Variants in NRXN3 observed in about 807,000 individuals in gnomAD.
NRXN3 encodes neurexin 3.
NRXN3 carries 32 observed loss-of-function variants against 137.6 expected under a neutral mutation model. That is an observed-to-expected ratio of 0.23 (90% CI 0.18 to 0.31). NRXN3 has a LOEUF of 0.31. NRXN3 is among the 10% of genes least tolerant of loss of function. NRXN3 has a pLI of 1.00. For synonymous variants in NRXN3, 798 were observed against 784.5 expected (o/e 1.02, Z -0.29); for missense variants, 1,574 against 2,062.5 (o/e 0.76, Z 4.59).
rs1004324005 is a variant in NRXN3 at position 78,505,036 on chromosome 14, A to T, written c.758-140084A>T. 2.6e-5 allele frequency among the ~76,000 whole-genome samples: 4 copies of T among 152,096 alleles called. No individual in the cohort carries two copies. The East Asian group carries it at 7.7e-4, about 29-fold the overall frequency. ...ATTTAGAGCCTTAACAAGCATTAAG[A>T]CCATTCCATTACAAACAGGACCATA... On this transcript the variant is annotated intron_variant, in intron 4 of 20. Coordinates refer to ENST00000335750, the MANE Select transcript of NRXN3 (RefSeq NM_001330195.2).
intron 7 of NRXN3, among the ~76,000 whole-genome samples, chr14:78,711,798 G>A (rs1319889387): frequency 1.3e-5 from 2 of 152,058 alleles, no homozygotes; most frequent in African/African-American, 4.8e-5. Context: ...AACTTACTGA[G>A]TAAACAAACA....
intron 15 of NRXN3, among the ~76,000 whole-genome samples, chr14:79,261,950 C>T (rs549563612): frequency 6.6e-6 from 1 of 152,110 alleles, no homozygotes; most frequent in East Asian, 1.9e-4. Flanking sequence ...GTATGACTCT[C>T]AGATGCTAAT....
chr14:78,338,204 C>A (rs1009555797), intron 4 of NRXN3, among the ~76,000 whole-genome samples: 1 of 152,148 alleles, frequency 6.6e-6, no homozygotes, highest in South Asian at 2.1e-4. Flanking sequence ...TCCCTCAAAG[C>A]AACACCATCT....
chr14:78,660,251 A>ATT (rs961155010), intron 6 of NRXN3, among the ~76,000 whole-genome samples: 1 of 128,368 alleles, frequency 7.8e-6, no homozygotes, highest in Non-Finnish European at 1.6e-5. Flanking sequence ...GAAGAAGTAG[A>ATT]TTTATATATA....
intron 2 of NRXN3, among the ~76,000 whole-genome samples, chr14:78,261,114 C>T (rs1050001430): frequency 6.6e-6 from 1 of 152,104 alleles, no homozygotes; most frequent in African/African-American, 2.4e-5. Flanking sequence ...GGAATTTGAG[C>T]TCTTTACTCA....
At chr14:78,692,862 T>C (rs192870934) in intron 6 of NRXN3, among the ~76,000 whole-genome samples, 4 of 149,566 alleles carry the variant, frequency 2.7e-5, no homozygotes, top group African/African-American at 9.8e-5. Context: ...GGGTGGATCA[T>C]GTGAGGTCAT....
At chr14:79,581,120 C>A (rs2097712117) in intron 16 of NRXN3, among the ~76,000 whole-genome samples, 1 of 152,052 alleles carries the variant, frequency 6.6e-6, no homozygotes, top group African/African-American at 2.4e-5. Context: ...CTGGACGGTG[C>A]AGAAATCAGC....
chr14:78,633,114 G>T (rs1417032461), intron 4 of NRXN3, among the ~76,000 whole-genome samples: 2 of 151,576 alleles, frequency 1.3e-5, no homozygotes, highest in Non-Finnish European at 2.9e-5. Context: ...AATTAGCCTG[G>T]TGTGGTGGCG....
intron 4 of NRXN3, among the ~76,000 whole-genome samples, chr14:78,580,938 T>A (rs1204157296): frequency 6.6e-6 from 1 of 152,200 alleles, no homozygotes; most frequent in African/African-American, 2.4e-5. Context: ...CTCAATTGTT[T>A]ACCATGACCC....
chr14:79,133,952 G>GAAAAAAAAAAAAAAA, intron 15 of NRXN3, among the ~76,000 whole-genome samples: 1 of 91,274 alleles, frequency 1.1e-5, no homozygotes, highest in South Asian at 3.5e-4. Context: ...AAAAAAAAAA[G>GAAAAAAAAAAAAAAA]GAAAGAAAAA....
chr14:78,888,715 T>A (rs560486929), intron 10 of NRXN3, among the ~76,000 whole-genome samples: 42 of 152,140 alleles, frequency 2.8e-4, no homozygotes, highest in African/African-American at 8.7e-4. Context: ...TCAATTTTTA[T>A]GAATTAGATT....
intron 15 of NRXN3, among the ~76,000 whole-genome samples, chr14:79,014,658 A>G (rs1407466634): frequency 6.6e-6 from 1 of 152,118 alleles, no homozygotes; most frequent in African/African-American, 2.4e-5. Flanking sequence ...ATTCTGTTTT[A>G]AGTTCTTTGA....
chr14:79,284,343 C>CATATATATATATATATAT lies in NRXN3; in HGVS notation c.3263-182853_3263-182836dup, dbSNP rs60596302. Reference sequence around the variant, plus strand: ...GGAAACCCCGTCTCTACTAAAAATACATATATATATATATATATATATATA... The same window carrying CATATATATATATATATAT: ...GGAAACCCCGTCTCTACTAAAAATACATATATATATATATATATATATATATATATATATATATATATA... On this transcript the variant is annotated intron_variant, in intron 15 of 20. Transcript: ENST00000335750. Among the ~76,000 whole-genome samples the CATATATATATATATATAT allele has an allele frequency of 2.9e-4, 19 of 65,098 alleles. 1 individual carries two copies. Among genetic ancestry groups the CATATATATATATATATAT allele is most frequent in the African/African-American group, 4.1e-4 (8 of 19,300 alleles). The allele number at this position is 65,098 out of a possible 152,430, so 42.7% of individuals were successfully genotyped here.
At chr14:79,835,282 A>G (rs2099336960) in intron 20 of NRXN3, among the ~76,000 whole-genome samples, 1 of 152,166 alleles carries the variant, frequency 6.6e-6, no homozygotes, top group Non-Finnish European at 1.5e-5. Flanking sequence ...TATGTTGCAC[A>G]TGATAAATAT....
chr14:79,816,199 G>A (rs1253408218), intron 20 of NRXN3, among the ~76,000 whole-genome samples: 1 of 152,148 alleles, frequency 6.6e-6, no homozygotes, highest in Non-Finnish European at 1.5e-5. Context: ...GCACATAAAT[G>A]GTAGAGGTAA....
chr14:79,236,787 C>T (rs896615014), intron 15 of NRXN3, among the ~76,000 whole-genome samples: 6 of 152,014 alleles, frequency 3.9e-5, no homozygotes, highest in South Asian at 2.1e-4. Flanking sequence ...TGGTGGCACA[C>T]GCATGTAGTT....
chr14:78,191,196 A>G (rs909370149), intron 1 of NRXN3, among the ~76,000 whole-genome samples: 1 of 152,070 alleles, frequency 6.6e-6, no homozygotes, highest in African/African-American at 2.4e-5. Context: ...GGCCAGGGGG[A>G]TGACCATTGG....
chr14:78,959,732 G>T (rs31426), intron 11 of NRXN3, among the ~76,000 whole-genome samples: 1 of 151,956 alleles, frequency 6.6e-6, no homozygotes, highest in Non-Finnish European at 1.5e-5. Context: ...TTTAGCGCCC[G>T]CAGCCAACCT....
chr14:78,606,967 G>A (rs2097258283), intron 4 of NRXN3, among the ~76,000 whole-genome samples: 1 of 152,176 alleles, frequency 6.6e-6, no homozygotes, highest in Non-Finnish European at 1.5e-5. Flanking sequence ...CATTGTTTTA[G>A]GTAGTCTTCG....
Sources: gnomAD v4.1 joint callset for allele counts (sites outside exome capture counted in the v4.1 genomes callset) on GRCh38, gnomAD v4.1.1 for gene constraint, MANE v1.5 for transcripts, NCBI Gene and HGNC (gene_info 2026-07-23, HGNC 2026-07-21) for gene names.